The following COL4A1 variants were observed in gnomAD, a reference collection of about 807,000 sequenced individuals.
The protein encoded by COL4A1 is collagen alpha-1(IV) chain.
A neutral mutation model predicts 216.6 loss-of-function variants in COL4A1; 40 were observed. The observed-to-expected ratio is 0.18, with a 90% CI of 0.14 to 0.24. COL4A1 has a LOEUF of 0.24. Ranked by LOEUF, COL4A1 falls within the 10% of genes least tolerant of loss-of-function variation. COL4A1 has a pLI of 1.00. For missense variants in COL4A1, 1,628 were observed against 2,196.8 expected (o/e 0.74, Z 5.18); for synonymous variants, 839 against 810.7 (o/e 1.03, Z -0.59).
chr13:110,183,319 G>A (rs1391080287), intron 26 of COL4A1, 43 bp from the exon 27 acceptor site: 1 of 1,575,202 alleles, frequency 6.3e-7, no homozygotes, highest in South Asian at 1.1e-5. Context: ...AAGGAATGAG[G>A]ACCACACGGA....
chr13:110,303,834 G>A (rs1884585700), intron 1 of COL4A1, among the ~76,000 whole-genome samples: 2 of 152,280 alleles, frequency 1.3e-5, no homozygotes, highest in South Asian at 4.1e-4. Context: ...CACCTGGCAA[G>A]GTCATGGCAG....
At chr13:110,158,027 A>G (rs585659) in intron 49 of COL4A1, among the ~76,000 whole-genome samples, 41,851 of 152,124 alleles carry the variant, frequency 0.28, 6,356 homozygotes, top group East Asian at 0.44. Context: ...GTTGTGTAAA[A>G]GAAGCTAAAA....
intron 18 of COL4A1, among the ~76,000 whole-genome samples, chr13:110,202,287 G>C (rs541141592): frequency 7.6e-4 from 110 of 145,678 alleles, no homozygotes; most frequent in African/African-American, 2.8e-3. Flanking sequence ...CGCAAGACAA[G>C]AAGAGGCACT....
chr13:110,155,429 CGG>C, intron 49 of COL4A1, 32 bp from the exon 50 acceptor site: 3 of 1,555,040 alleles, frequency 1.9e-6, no homozygotes, highest in Non-Finnish European at 2.7e-6. Flanking sequence ...TCAGCACAGC[CGG>C]GGTGCAGGGC....
intron 1 of COL4A1, among the ~76,000 whole-genome samples, chr13:110,303,997 T>G: frequency 6.6e-6 from 1 of 152,216 alleles, no homozygotes; most frequent in East Asian, 1.9e-4. Flanking sequence ...TGTAAGGTCC[T>G]CTGGTGCCTA....
Position 110,152,524 on chromosome 13 carries a change from G to A in COL4A1, c.4756-18C>T, listed in dbSNP as rs1876554009. On this transcript the variant is annotated intron_variant, in intron 50 of 51. Coordinates refer to ENST00000375820, the MANE Select transcript of COL4A1 (RefSeq NM_001845.6). ...CTGGTGTGCTGCAGAACAGATGCGAGCCGTGAGTCAGAGGTTCCCTCCCCA... is the reference window on the plus strand; with the variant it reads ...CTGGTGTGCTGCAGAACAGATGCGAACCGTGAGTCAGAGGTTCCCTCCCCA... 4 of 1,603,034 alleles carry A rather than the reference G, an allele frequency of 2.5e-6. No individual in the cohort carries two copies. The South Asian group carries it at 4.4e-5, about 18-fold the overall frequency.
At chr13:110,170,822 C>T (rs1481712162) in intron 41 of COL4A1, 90 bp from the exon 42 acceptor site, 20 of 1,419,308 alleles carry the variant, frequency 1.4e-5, no homozygotes, top group Non-Finnish European at 1.9e-5. Context: ...ATGAGGCGTG[C>T]CTCATCCTGT....
At chr13:110,190,300 C>T (rs1286790291) in intron 24 of COL4A1, among the ~76,000 whole-genome samples, 2 of 152,020 alleles carry the variant, frequency 1.3e-5, no homozygotes, top group East Asian at 3.9e-4. Flanking sequence ...TCAACTACTG[C>T]CTGGAAAATT....
At chr13:110,169,525 C>CACAT (rs1259982232) in intron 43 of COL4A1, 104 bp downstream of exon 43, 58 of 1,500,870 alleles carry the variant, frequency 3.9e-5, no homozygotes, top group East Asian at 3.5e-4. Context: ...CACACACACA[C>CACAT]ATATATATAC....
At chr13:110,293,628 C>T (rs9559763) in intron 1 of COL4A1, among the ~76,000 whole-genome samples, 141,168 of 152,240 alleles carry the variant, frequency 0.93, 66,282 homozygotes, top group East Asian at 1. Flanking sequence ...TTTGAACATA[C>T]TGGAAACACC....
intron 44 of COL4A1, among the ~76,000 whole-genome samples, chr13:110,166,603 G>A (rs186144235): frequency 6.6e-6 from 1 of 152,236 alleles, no homozygotes; most frequent in African/African-American, 2.4e-5. Context: ...CATTATTTCT[G>A]GTCACGTGTG....
chr13:110,306,867 A>G (rs896972670), intron 1 of COL4A1, 77 bp downstream of exon 1: 3 of 1,329,978 alleles, frequency 2.3e-6, no homozygotes, highest in South Asian at 1.7e-5. Context: ...GGACGGGTCC[A>G]GGCGCGGACA....
At chr13:110,169,994 C>T (rs889998438) in intron 42 of COL4A1, among the ~76,000 whole-genome samples, 5 of 142,530 alleles carry the variant, frequency 3.5e-5, no homozygotes, top group Admixed American at 1.4e-4. Context: ...ACAATGTGAA[C>T]CCTTGAGACA....
At chr13:110,280,798 T>A (rs1419323462) in intron 1 of COL4A1, among the ~76,000 whole-genome samples, 1 of 152,236 alleles carries the variant, frequency 6.6e-6, no homozygotes, top group African/African-American at 2.4e-5. Flanking sequence ...TTTTCTTTCT[T>A]TTTTCAAGAC....
rs143182161 is a variant in COL4A1, at chr13:110,276,609, C to T, written c.84+30335G>A. Among the ~76,000 whole-genome samples, 45 of 152,292 alleles carry T rather than the reference C, an allele frequency of 3.0e-4. No individual in the cohort carries two copies. In the East Asian group the frequency reaches 7.5e-3, roughly 25 times the overall value. ...ATTTCTCAGTATCAATTTCTATGCA[C>T]TCCATTAAGTATGTAAATGTTCTGA... On this transcript the variant is annotated intron_variant, in intron 1 of 51. Coordinates refer to ENST00000375820, the MANE Select transcript of COL4A1 (RefSeq NM_001845.6).
Position 110,207,465 on chromosome 13 carries a change from G to T in COL4A1, c.718C>A (p.Pro240Thr). 6.2e-7 allele frequency: 1 copy of T among 1,614,014 alleles called. No individual in the cohort carries two copies. The highest frequency in any genetic ancestry group is 8.5e-7 in the Non-Finnish European group (1 of 1,180,004). Residue 240 changes from proline to threonine, a missense_variant, in exon 13 of 52, where the codon CCA becomes ACA. Transcript: ENST00000375820. The surrounding 1 kb of genome is among the most constrained non-coding windows in gnomAD (Gnocchi z 4.4). ...ACTTGAGCTTGTCCTGGTACTCCTG[G>T]AGGCCCACTGACCCCTTGGTCACCC... ...DKGDQGVSGP[P>T]GVPGQAQVQE... is the part of the protein sequence containing the mutation.
chr13:110,269,250 T>C (rs1424556438), intron 1 of COL4A1, among the ~76,000 whole-genome samples: 2 of 152,218 alleles, frequency 1.3e-5, no homozygotes, highest in African/African-American at 4.8e-5. Context: ...GCTCGAAGCA[T>C]ATGTTAAAAC....
At chr13:110,280,807 A>G (rs888020808) in intron 1 of COL4A1, among the ~76,000 whole-genome samples, 4 of 152,120 alleles carry the variant, frequency 2.6e-5, no homozygotes, top group African/African-American at 9.7e-5. Context: ...TTTTTTCAAG[A>G]CCTAGAGCCT....
intron 51 of COL4A1, 103 bp downstream of exon 51, chr13:110,152,231 A>G: frequency 6.5e-7 from 1 of 1,542,096 alleles, no homozygotes; most frequent in Non-Finnish European, 8.8e-7. Context: ...ATTGCTAACC[A>G]TCTTTGAGAC....
Sources: gnomAD v4.1 joint callset for allele counts (sites outside exome capture counted in the v4.1 genomes callset) on GRCh38, gnomAD v4.1.1 for gene constraint, Gnocchi (gnomAD v3.1) non-coding constraint, MANE v1.5 for transcripts, NCBI Gene and HGNC (gene_info 2026-07-23, HGNC 2026-07-21) for gene names.